Variants in MAP4K5 observed in about 807,000 individuals in gnomAD.
MAP4K5 encodes the protein MAPK/ERK kinase kinase kinase 5.
Under a neutral mutation model 135.6 loss-of-function variants are expected in MAP4K5, and 82 were observed. That is an observed-to-expected ratio of 0.60 (90% CI 0.51 to 0.73). The LOEUF (loss-of-function observed/expected upper bound fraction) is 0.73. Ranked by LOEUF, MAP4K5 falls within the 30% of genes least tolerant of loss-of-function variation. The pLI is 0.00. For missense variants in MAP4K5, 907 were observed against 1,010.9 expected (o/e 0.90, Z 1.39); for synonymous variants, 347 against 335.0 (o/e 1.04, Z -0.39).
intron 14 of MAP4K5, among the ~76,000 whole-genome samples, chr14:50,452,288 A>G (rs145553292): frequency 1.0e-3 from 156 of 152,342 alleles, no homozygotes; most frequent in African/African-American, 3.5e-3. Flanking sequence ...GCCTTCAGGT[A>G]AGATAAAAAG....
Position 50,532,004 on chromosome 14 carries a change from G to C in MAP4K5, c.46C>G (p.Pro16Ala), listed in dbSNP as rs1319602843. 6.3e-7 allele frequency: 1 copy of C among 1,599,122 alleles called. No homozygotes were observed. Among genetic ancestry groups the C allele is most frequent in the Admixed American group, 1.7e-5 (1 of 58,738 alleles). ...TGGACGAGTTCGTAGTCCTGCTGCG[G>C]GTTCCGCCTCAGGATGTCCGCGGCA... is the stretch of plus-strand genomic sequence containing the variant. Reference protein sequence around the residue: ...RPAADILRRNPQQDYELVQRV... With the variant: ...RPAADILRRNAQQDYELVQRV... Residue 16 changes from proline (P) to alanine (A), a missense_variant, in exon 2 of 33, where the codon CCG becomes GCG. Coordinates refer to ENST00000682126, the MANE Select transcript of MAP4K5 (RefSeq NM_006575.6).
At chr14:50,516,670 T>C (rs924227231) in intron 2 of MAP4K5, among the ~76,000 whole-genome samples, 2 of 152,210 alleles carry the variant, frequency 1.3e-5, no homozygotes, top group East Asian at 3.8e-4. Context: ...AAAGAGCACA[T>C]CTCTTCTACT....
At chr14:50,550,766 A>G (rs1233465979) in intron 1 of MAP4K5, among the ~76,000 whole-genome samples, 1 of 152,240 alleles carries the variant, frequency 6.6e-6, no homozygotes, top group African/African-American at 2.4e-5. Flanking sequence ...CTATACAAAT[A>G]CATAGAAATT....
chr14:50,552,954 A>G (rs2038721091), intron 1 of MAP4K5, among the ~76,000 whole-genome samples: 1 of 152,200 alleles, frequency 6.6e-6, no homozygotes, highest in Non-Finnish European at 1.5e-5. Context: ...GGCTTAGGCA[A>G]AGAATTCATG....
At chr14:50,421,417 C>G (rs1037536545) in intron 32 of MAP4K5, among the ~76,000 whole-genome samples, 2 of 151,628 alleles carry the variant, frequency 1.3e-5, no homozygotes, top group African/African-American at 4.9e-5. Context: ...CACCATCAAG[C>G]CCAGCTTATT....
rs928065464 is a variant in MAP4K5 at position 50,473,427 on chromosome 14, C to T, written c.542+1650G>A. Among the ~76,000 whole-genome samples the T allele has an allele frequency of 3.3e-5, 5 of 151,832 alleles. No homozygotes were observed. The East Asian group carries it at 7.7e-4, about 23-fold the overall frequency. On this transcript the variant is annotated intron_variant, in intron 9 of 32. Coordinates refer to ENST00000682126, the MANE Select transcript of MAP4K5 (RefSeq NM_006575.6). ...TCTTGTGATCTATTATCATATGTTA[C>T]GATACTTAATATGTATTATTTTACT...
intron 10 of MAP4K5, among the ~76,000 whole-genome samples, chr14:50,467,054 G>A (rs190535408): frequency 6.6e-6 from 1 of 151,980 alleles, no homozygotes; most frequent in Non-Finnish European, 1.5e-5. Flanking sequence ...ATTTTGGGTG[G>A]GTGTATAGGC....
chr14:50,456,380 AC>A (rs762740754), intron 14 of MAP4K5, 135 bp downstream of exon 14: 87 of 652,568 alleles, frequency 1.3e-4, no homozygotes, highest in Admixed American at 3.8e-4. Flanking sequence ...CAGAAAAGCA[AC>A]CCCTATTTTA....
intron 18 of MAP4K5, among the ~76,000 whole-genome samples, chr14:50,444,481 A>G (rs1445420012): frequency 2.0e-5 from 3 of 152,056 alleles, no homozygotes; most frequent in African/African-American, 7.2e-5. Context: ...AGGTACGGTC[A>G]CTCATGCCTG....
chr14:50,553,652 G>A (rs1189980729), intron 1 of MAP4K5, among the ~76,000 whole-genome samples: 1 of 152,150 alleles, frequency 6.6e-6, no homozygotes, highest in Non-Finnish European at 1.5e-5. Flanking sequence ...GAATGCACAC[G>A]CATGTTTGTA....
At chr14:50,487,767 T>G (rs951880483) in intron 3 of MAP4K5, among the ~76,000 whole-genome samples, 2 of 152,148 alleles carry the variant, frequency 1.3e-5, no homozygotes, top group African/African-American at 4.8e-5. Flanking sequence ...TCTGCCTACC[T>G]AGGTGCAGAG....
At chr14:50,468,459 T>C (rs2036882045) in intron 10 of MAP4K5, 192 bp downstream of exon 10, 1 of 557,506 alleles carries the variant, frequency 1.8e-6, no homozygotes, top group Non-Finnish European at 3.2e-6. Flanking sequence ...TGATCTGTAA[T>C]TGTGAAAAAT....
At chr14:50,554,948 A>G (rs1178930194) in intron 1 of MAP4K5, among the ~76,000 whole-genome samples, 1 of 152,150 alleles carries the variant, frequency 6.6e-6, no homozygotes, top group Non-Finnish European at 1.5e-5. Context: ...CTTTTTGGCA[A>G]AGTCTTCTGG....
rs185882379 is a variant in MAP4K5, at chr14:50,436,955, A to G, written c.1882+521T>C. Reference sequence around the variant, plus strand: ...TTCTAAACGGTAATGATTTAAATCTATATTTTTTCCCTGTTCTAAATTGTA... The same window carrying G: ...TTCTAAACGGTAATGATTTAAATCTGTATTTTTTCCCTGTTCTAAATTGTA... On this transcript the variant is annotated intron_variant, in intron 26 of 32. Transcript: ENST00000682126. Among the ~76,000 whole-genome samples, 326 of 152,272 alleles carry G rather than the reference A, an allele frequency of 2.1e-3. 2 individuals carry two copies. The highest frequency in any genetic ancestry group is 2.6e-3 in the Admixed American group (39 of 15,284).
At chr14:50,482,074 C>CCT (rs1186776562) in intron 6 of MAP4K5, among the ~76,000 whole-genome samples, 2 of 152,206 alleles carry the variant, frequency 1.3e-5, no homozygotes, top group African/African-American at 4.8e-5. Context: ...AAGGAGAATA[C>CCT]CTCACATGAC....
At chr14:50,492,576 A>G (rs932061308) in intron 3 of MAP4K5, among the ~76,000 whole-genome samples, 1 of 131,228 alleles carries the variant, frequency 7.6e-6, no homozygotes, top group Non-Finnish European at 1.6e-5. Flanking sequence ...TGGGTAACAC[A>G]GCAAGACCCC....
chr14:50,454,625 T>G (rs2036560587), intron 14 of MAP4K5, among the ~76,000 whole-genome samples: 1 of 152,088 alleles, frequency 6.6e-6, no homozygotes, highest in African/African-American at 2.4e-5. Flanking sequence ...TCTGGTGCTT[T>G]AAGCAACCAG....
At chr14:50,425,850 G>T in intron 31 of MAP4K5, 57 bp downstream of exon 31, 2 of 1,206,946 alleles carry the variant, frequency 1.7e-6, no homozygotes, top group Non-Finnish European at 2.4e-6. Flanking sequence ...TAAAACGAGT[G>T]CTTCGACATT....
Position 50,531,926 on chromosome 14 carries a change from G to A in MAP4K5, c.108+16C>T. 6.4e-7 allele frequency: 1 copy of A among 1,555,132 alleles called. No individual in the cohort carries two copies. Among genetic ancestry groups the A allele is most frequent in the Non-Finnish European group, 8.8e-7 (1 of 1,139,774 alleles). On this transcript the variant is annotated intron_variant, in intron 2 of 32. Coordinates refer to ENST00000682126, the MANE Select transcript of MAP4K5 (RefSeq NM_006575.6). ...CCAGTCGACCGCAGGAAAAAAGCAC[G>A]GCCAGCCTCACTTACCTTATAGACG...
Sources: gnomAD v4.1 joint callset for allele counts (sites outside exome capture counted in the v4.1 genomes callset) on GRCh38, gnomAD v4.1.1 for gene constraint, MANE v1.5 for transcripts, NCBI Gene and HGNC (gene_info 2026-07-23, HGNC 2026-07-21) for gene names.